Variants in CDC42SE2 observed in about 807,000 individuals in gnomAD.
CDC42SE2 encodes the protein CDC42 small effector 2.
Under a neutral mutation model 11.5 loss-of-function variants are expected in CDC42SE2, and 3 were observed. The ratio of observed to expected loss-of-function variants is 0.26; its 90% confidence interval spans 0.12 to 0.67. The LOEUF (loss-of-function observed/expected upper bound fraction) is 0.67. CDC42SE2 is among the 30% of genes least tolerant of loss of function. The pLI is 0.80. For synonymous variants in CDC42SE2, 33 were observed against 34.8 expected, an observed-to-expected ratio of 0.95 and a Z score of 0.18; for missense variants, 82 against 106.8, an observed-to-expected ratio of 0.77 and a Z score of 1.02.
intron 2 of CDC42SE2, chr5:131,354,632 TTTC>T (rs758264086): frequency 5.3e-5 from 8 of 152,174 alleles, no homozygotes; most frequent in Non-Finnish European, 8.8e-5. Flanking sequence ...CTTTTTTCAT[TTTC>T]TTCATTTTTT....
intron 1 of CDC42SE2, among the ~76,000 whole-genome samples, chr5:131,272,883 A>C (rs1020755406): frequency 6.6e-6 from 1 of 152,120 alleles, no homozygotes; most frequent in African/African-American, 2.4e-5. Context: ...CTAGTTCTCA[A>C]GCCTAATCTC....
At position 131,367,137 on chromosome 5, in the gene CDC42SE2, G is replaced by A. The variant is rs182084141; in HGVS notation, c.54+7590G>A. ...GTGTGTGTATATCATATACATATGT[G>A]TGTATATATATATCATGTAATGATA... On this transcript the variant is annotated intron_variant, in intron 3 of 4. Transcript: ENST00000505065. 2.0e-3 allele frequency among the ~76,000 whole-genome samples: 301 copies of A among 151,310 alleles called. 1 individual carries two copies. The highest frequency in any genetic ancestry group is 7.0e-3 in the African/African-American group (288 of 41,202).
intron 1 of CDC42SE2, among the ~76,000 whole-genome samples, chr5:131,269,324 A>G (rs1756943326): frequency 6.6e-6 from 1 of 152,318 alleles, no homozygotes; most frequent in African/African-American, 2.4e-5. Context: ...CCTAGAAAGT[A>G]TTAGGTTAAT....
chr5:131,390,139 A>T (rs1017063389), intron 4 of CDC42SE2, among the ~76,000 whole-genome samples: 17 of 152,230 alleles, frequency 1.1e-4, no homozygotes, highest in African/African-American at 4.1e-4. Context: ...ATACTCAGAG[A>T]GGATAAATAG....
At chr5:131,330,136 T>A (rs1758390062) in intron 2 of CDC42SE2, among the ~76,000 whole-genome samples, 1 of 152,072 alleles carries the variant, frequency 6.6e-6, no homozygotes, top group Non-Finnish European at 1.5e-5. Flanking sequence ...TATTTACACG[T>A]CCGGTGATTT....
At position 131,392,490 on chromosome 5, in the gene CDC42SE2, A is replaced by G. The variant is rs1335168494; in HGVS notation, c.*1399A>G. On this transcript the variant is annotated 3_prime_UTR_variant, in exon 5 of 5. Transcript: ENST00000505065. Reference sequence around the variant, plus strand: ...ATTTTCATAGAAAAAGATTACTTGTAGCTTATTTTAGAAGTATGACCTTTT... The same window carrying G: ...ATTTTCATAGAAAAAGATTACTTGTGGCTTATTTTAGAAGTATGACCTTTT... 1 of 152,482 alleles carries G rather than the reference A, an allele frequency of 6.6e-6. No individual in the cohort carries two copies. The highest frequency in any genetic ancestry group is 2.4e-5 in the African/African-American group (1 of 41,466). The allele number at this position is 152,482 out of a possible 1,614,324, so 9.4% of individuals were successfully genotyped here.
chr5:131,338,620 AT>A (rs935980161), intron 2 of CDC42SE2, among the ~76,000 whole-genome samples: 1 of 152,188 alleles, frequency 6.6e-6, no homozygotes, highest in Non-Finnish European at 1.5e-5. Flanking sequence ...CCTCACATAA[AT>A]CTTTGAGAAA....
chr5:131,280,977 T>C (rs963235033), intron 1 of CDC42SE2, among the ~76,000 whole-genome samples: 1 of 152,222 alleles, frequency 6.6e-6, no homozygotes, highest in African/African-American at 2.4e-5. Context: ...AAAATCCTTG[T>C]GGAAGAATTG....
chr5:131,213,085 C>T, the CDC42SE2 span, among the ~76,000 whole-genome samples: 16 of 152,098 alleles, frequency 1.1e-4, no homozygotes, highest in African/African-American at 2.4e-4. Flanking sequence ...AGCTACTACA[C>T]GGGAGGCTGA....
chr5:131,367,564 T>C (rs1749896283), intron 3 of CDC42SE2, among the ~76,000 whole-genome samples: 1 of 152,184 alleles, frequency 6.6e-6, no homozygotes, highest in Non-Finnish European at 1.5e-5. Flanking sequence ...CATGGTATTG[T>C]TCTTTTCCGA....
At chr5:131,326,086 A>G (rs1469023141) in intron 2 of CDC42SE2, among the ~76,000 whole-genome samples, 1 of 151,996 alleles carries the variant, frequency 6.6e-6, no homozygotes, top group Non-Finnish European at 1.5e-5. Context: ...AGTTAGTAAT[A>G]TATTTAGTTT....
chr5:131,319,613 T>A (rs59385278), intron 2 of CDC42SE2, among the ~76,000 whole-genome samples: 1,627 of 152,242 alleles, frequency 0.011, 21 homozygotes, highest in African/African-American at 0.034. Flanking sequence ...AAACTGACCA[T>A]CGTAATTCAG....
intron 1 of CDC42SE2, among the ~76,000 whole-genome samples, chr5:131,267,791 A>G (rs536056085): frequency 2.8e-4 from 43 of 152,076 alleles, no homozygotes; most frequent in Non-Finnish European, 5.0e-4. Context: ...TAAAATTATG[A>G]AAGGGTTTAT....
chr5:131,391,119 A>G lies in CDC42SE2; in HGVS notation c.*28A>G. 1 of 1,555,928 alleles carries G rather than the reference A, an allele frequency of 6.4e-7. No homozygotes were observed. Among genetic ancestry groups the G allele is most frequent in the South Asian group, 1.1e-5 (1 of 89,846 alleles). The stretch of plus-strand genomic sequence containing the variant: ...CTGGTCCTTTCTCCAGTGAGTACTC[A>G]GAGCTGGGGTCTGGACCTGACGGCC... On this transcript the variant is annotated 3_prime_UTR_variant, in exon 5 of 5. Transcript: ENST00000505065.
At chr5:131,278,500 A>G (rs1757149844) in intron 1 of CDC42SE2, among the ~76,000 whole-genome samples, 1 of 22,802 alleles carries the variant, frequency 4.4e-5, no homozygotes, top group African/African-American at 8.0e-4. Context: ...CTCTCTCTCC[A>G]GCTCCATGTG....
chr5:131,377,236 T>C (rs531213438), intron 3 of CDC42SE2, among the ~76,000 whole-genome samples: 7 of 151,888 alleles, frequency 4.6e-5, no homozygotes, highest in African/African-American at 1.7e-4. Flanking sequence ...TGATGTGATC[T>C]TGACTCACTG....
intron 2 of CDC42SE2, among the ~76,000 whole-genome samples, chr5:131,331,082 T>C (rs1758411772): frequency 6.6e-6 from 1 of 152,274 alleles, no homozygotes; most frequent in African/African-American, 2.4e-5. Context: ...TGAGAAATCC[T>C]GCTTTAGAGC....
At chr5:131,232,616 C>T in the CDC42SE2 span, among the ~76,000 whole-genome samples, 4 of 151,484 alleles carry the variant, frequency 2.6e-5, no homozygotes, top group African/African-American at 9.7e-5. Flanking sequence ...CGCCTGTAAT[C>T]CCAGGTACTT....
At position 131,313,584 on chromosome 5, in the gene CDC42SE2, C is replaced by G. The variant is rs936883303; in HGVS notation, c.-454-2392C>G. ...ATTTGTTGAGAAAGCTATCCTTTCT[C>G]TGCTGGATTGCCTTTGTACCCTTAT... On this transcript the variant is annotated intron_variant, in intron 1 of 4. Coordinates refer to ENST00000505065, the MANE Select transcript of CDC42SE2 (RefSeq NM_001375635.1). Among the ~76,000 whole-genome samples, 5 of 152,254 alleles carry G rather than the reference C, an allele frequency of 3.3e-5. No individual in the cohort carries two copies. The East Asian group carries it at 9.7e-4, about 29-fold the overall frequency.
Sources: gnomAD v4.1 joint callset for allele counts (sites outside exome capture counted in the v4.1 genomes callset) on GRCh38, gnomAD v4.1.1 for gene constraint, MANE v1.5 for transcripts, NCBI Gene and HGNC (gene_info 2026-07-23, HGNC 2026-07-21) for gene names.